QRICH1: variants seen among roughly 807,000 people sequenced by gnomAD.
QRICH1 encodes glutamine rich 1.
Under a neutral mutation model 87.1 loss-of-function variants are expected in QRICH1, and 16 were observed. The observed-to-expected ratio is 0.18, with a 90% CI of 0.12 to 0.28. QRICH1 has a LOEUF of 0.28. Among genes scored for constraint, QRICH1 ranks in the 10% least tolerant of loss-of-function variants. QRICH1 has a pLI of 1.00. For synonymous variants in QRICH1, 367 were observed against 368.4 expected, an observed-to-expected ratio of 1.00 and a Z score of 0.05; for missense variants, 647 against 951.7, an observed-to-expected ratio of 0.68 and a Z score of 4.21.
At chr3:49,067,295 C>A (rs572827163) in intron 2 of QRICH1, among the ~76,000 whole-genome samples, 1 of 151,730 alleles carries the variant, frequency 6.6e-6, no homozygotes, top group African/African-American at 2.4e-5. Flanking sequence ...CGGCTGGGTG[C>A]GGTGGCTCAC....
At chr3:49,074,835 T>C (rs901090141) in intron 2 of QRICH1, among the ~76,000 whole-genome samples, 5 of 150,128 alleles carry the variant, frequency 3.3e-5, no homozygotes, top group Admixed American at 2.0e-4. Flanking sequence ...AAAAATTAGC[T>C]GGGCGTGGTG....
chr3:49,083,587 CA>C (rs1191843187), intron 1 of QRICH1: 4 of 151,808 alleles, frequency 2.6e-5, no homozygotes, highest in African/African-American at 4.8e-5. Flanking sequence ...GGAAAAATTC[CA>C]TAAAACCATT....
intron 1 of QRICH1, among the ~76,000 whole-genome samples, chr3:49,085,036 G>T (rs1313852171): frequency 4.6e-5 from 7 of 150,982 alleles, no homozygotes; most frequent in African/African-American, 1.7e-4. Flanking sequence ...CCAGCTACTC[G>T]GGAGGCTGAG....
chr3:49,041,597 G>C (rs1271563815), intron 6 of QRICH1, among the ~76,000 whole-genome samples: 8 of 152,062 alleles, frequency 5.3e-5, no homozygotes, highest in Admixed American at 3.3e-4. Context: ...CAAAGTGCTA[G>C]GATTATGGGT....
chr3:49,092,278 C>CAGT (rs1366697561), intron 1 of QRICH1: 2 of 152,174 alleles, frequency 1.3e-5, no homozygotes, highest in East Asian at 3.9e-4. Flanking sequence ...CTTCATTTTA[C>CAGT]AGCACCTAAT....
intron 2 of QRICH1, among the ~76,000 whole-genome samples, chr3:49,062,019 T>C (rs1371891500): frequency 1.3e-5 from 2 of 152,068 alleles, no homozygotes; most frequent in African/African-American, 2.4e-5. Context: ...TATAGACAAC[T>C]TGAAACTGCT....
At chr3:49,031,177 G>A (rs572559832) in intron 9 of QRICH1, among the ~76,000 whole-genome samples, 110 of 152,070 alleles carry the variant, frequency 7.2e-4, no homozygotes, top group African/African-American at 2.6e-3. Context: ...TAGTAGAGAT[G>A]GGGTTTTTCC....
chr3:49,073,250 C>T (rs1192318682), intron 2 of QRICH1, among the ~76,000 whole-genome samples: 1 of 152,138 alleles, frequency 6.6e-6, no homozygotes, highest in Non-Finnish European at 1.5e-5. Flanking sequence ...ACATAAAGAC[C>T]TCTAAAGAGG....
At chr3:49,089,476 A>G (rs1368198564) in intron 1 of QRICH1, among the ~76,000 whole-genome samples, 1 of 152,150 alleles carries the variant, frequency 6.6e-6, no homozygotes, top group Non-Finnish European at 1.5e-5. Context: ...CATTCCACGA[A>G]CCTGAGCAAT....
rs531046674 is a variant in QRICH1 at position 49,034,645 on chromosome 3, C to T, written c.1787-1417G>A. Among the ~76,000 whole-genome samples the T allele has an allele frequency of 3.1e-4, 47 of 151,838 alleles. No homozygotes were observed. In the South Asian group the frequency reaches 9.8e-3, roughly 32 times the overall value. On this transcript the variant is annotated intron_variant, in intron 6 of 9. Transcript: ENST00000395443. ...AGTATTTGAACTATTACAAGATCCC[C>T]CCCACAGGGCTGGTGTTACTGTAAG...
intron 2 of QRICH1, among the ~76,000 whole-genome samples, chr3:49,072,998 T>G (rs2041872521): frequency 6.6e-6 from 1 of 151,434 alleles, no homozygotes; most frequent in African/African-American, 2.4e-5. Flanking sequence ...GCCATGATCA[T>G]GTCACAGCAC....
chr3:49,057,472 TGGA>T lies in QRICH1; in HGVS notation c.725_727del (p.Leu242del). ...GTCCACTTTGCGCTTCTTCACTGGTTGGAGGACACTGGCCGTGCCAACCCGCCG... is the reference window on the plus strand; with the variant it reads ...GTCCACTTTGCGCTTCTTCACTGGTTGGACACTGGCCGTGCCAACCCGCCG... On this transcript the variant is annotated inframe_deletion, in exon 3 of 10. Coordinates refer to ENST00000395443, the MANE Select transcript of QRICH1 (RefSeq NM_198880.3). The surrounding 1 kb of genome is among the most constrained non-coding windows in gnomAD (Gnocchi z 5.4). 6.2e-7 allele frequency: 1 copy of T among 1,612,306 alleles called. No individual in the cohort carries two copies.
Position 49,047,011 on chromosome 3 carries a change from T to A in QRICH1, c.1516+58A>T. 3 of 1,552,432 alleles carry A rather than the reference T, an allele frequency of 1.9e-6. No homozygotes were observed. The Admixed American group carries it at 5.7e-5, about 29-fold the overall frequency. The stretch of plus-strand genomic sequence containing the variant: ...CCACTTTTCTGGCATTTTGTCCTCC[T>A]GTTACTTTAGTACCATTGCATTTTA... On this transcript the variant is annotated intron_variant, in intron 4 of 9. Coordinates refer to ENST00000395443, the MANE Select transcript of QRICH1 (RefSeq NM_198880.3).
intron 6 of QRICH1, 50 bp from the exon 7 acceptor site, chr3:49,033,278 C>A: frequency 8.4e-7 from 1 of 1,194,418 alleles, no homozygotes; most frequent in South Asian, 1.8e-5. Context: ...GGTGGTCTCT[C>A]AAAGGTACAA....
chr3:49,089,152 C>T (rs943175199), intron 1 of QRICH1, among the ~76,000 whole-genome samples: 23 of 151,788 alleles, frequency 1.5e-4, no homozygotes, highest in South Asian at 2.1e-4. Context: ...CCTCCGCCTA[C>T]AGGTTCAAGC....
intron 3 of QRICH1, among the ~76,000 whole-genome samples, chr3:49,055,696 A>G (rs2093397886): frequency 6.6e-6 from 1 of 152,016 alleles, no homozygotes; most frequent in East Asian, 1.9e-4. Flanking sequence ...TTTTGAGACA[A>G]AGTCTTGCTA....
intron 2 of QRICH1, among the ~76,000 whole-genome samples, chr3:49,073,997 G>T (rs1056871192): frequency 2.0e-5 from 3 of 151,774 alleles, no homozygotes; most frequent in Non-Finnish European, 2.9e-5. Flanking sequence ...TGCCCAGGCT[G>T]GCCTCAAACT....
At chr3:49,053,097 CAGAG>C in intron 3 of QRICH1, among the ~76,000 whole-genome samples, 1 of 152,082 alleles carries the variant, frequency 6.6e-6, no homozygotes, top group Non-Finnish European at 1.5e-5. Context: ...ATGTATGATT[CAGAG>C]AGAGGAGGAG....
chr3:49,076,293 C>T (rs2041948735), intron 2 of QRICH1, among the ~76,000 whole-genome samples: 1 of 152,216 alleles, frequency 6.6e-6, no homozygotes, highest in Non-Finnish European at 1.5e-5. Context: ...TCACTGACAT[C>T]GCCGCCGGCG....
Sources: gnomAD v4.1 joint callset for allele counts (sites outside exome capture counted in the v4.1 genomes callset) on GRCh38, gnomAD v4.1.1 for gene constraint, Gnocchi (gnomAD v3.1) non-coding constraint, MANE v1.5 for transcripts, NCBI Gene and HGNC (gene_info 2026-07-23, HGNC 2026-07-21) for gene names.